The following PTPRN2 variants were observed in gnomAD, a reference collection of about 807,000 sequenced individuals.
PTPRN2 encodes protein tyrosine phosphatase receptor type N2, also known as receptor-type tyrosine-protein phosphatase N2.
A neutral mutation model predicts 118.8 loss-of-function variants in PTPRN2; 74 were observed. The ratio of observed to expected loss-of-function variants is 0.62; its 90% CI spans 0.52 to 0.76. The LOEUF (loss-of-function observed/expected upper bound fraction) is 0.76. Among genes scored for constraint, PTPRN2 ranks in the 30% least tolerant of loss-of-function variants. PTPRN2 has a pLI of 0.00. For synonymous variants in PTPRN2, 641 were observed against 608.0 expected (o/e 1.05, Z -0.80); for missense variants, 1,481 against 1,394.4 (o/e 1.06, Z -0.99).
rs1224085395 is a variant in PTPRN2 at position 158,469,097 on chromosome 7, G to GC, written c.163+20637dup. On this transcript the variant is annotated intron_variant, in intron 2 of 22. Coordinates refer to ENST00000389418, the MANE Select transcript of PTPRN2 (RefSeq NM_002847.5). ...GTGGATCAACACTATGCACACCCAT[G>GC]CACACTCCTGGTGGATCAACAGTGT... 4.4e-5 allele frequency among the ~76,000 whole-genome samples: 6 copies of GC among 136,028 alleles called. No individual in the cohort carries two copies. The South Asian group carries it at 9.4e-4, about 21-fold the overall frequency. The allele number at this position is 136,028 out of a possible 152,430, so 89.2% of individuals were successfully genotyped here.
At chr7:158,508,981 C>T (rs773750380) in intron 1 of PTPRN2, among the ~76,000 whole-genome samples, 7 of 152,034 alleles carry the variant, frequency 4.6e-5, no homozygotes, top group Non-Finnish European at 8.8e-5. Flanking sequence ...GGCCTCAGCA[C>T]GCAGGAAGCT....
intron 19 of PTPRN2, among the ~76,000 whole-genome samples, chr7:157,573,986 T>C (rs1165527720): frequency 6.6e-6 from 1 of 152,168 alleles, no homozygotes; most frequent in Non-Finnish European, 1.5e-5. Flanking sequence ...GTTGTATTAT[T>C]ACACGCAAAG....
At chr7:158,578,881 G>GC (rs1222944240) in intron 1 of PTPRN2, among the ~76,000 whole-genome samples, 1 of 151,934 alleles carries the variant, frequency 6.6e-6, no homozygotes, top group Non-Finnish European at 1.5e-5. Flanking sequence ...TCCTGCCTCA[G>GC]CCCCCCAAGT....
chr7:158,216,796 G>C (rs928916940), intron 3 of PTPRN2, among the ~76,000 whole-genome samples: 1 of 152,162 alleles, frequency 6.6e-6, no homozygotes, highest in Non-Finnish European at 1.5e-5. Context: ...CAAGAGCAGA[G>C]TATATGTTCT....
intron 22 of PTPRN2, among the ~76,000 whole-genome samples, chr7:157,546,732 A>G (rs1223428277): frequency 9.2e-5 from 14 of 152,218 alleles, no homozygotes; most frequent in Admixed American, 8.5e-4. Context: ...CCATTTAAAA[A>G]TGGAGTAGAA....
At chr7:158,422,766 G>A (rs180811540) in intron 2 of PTPRN2, among the ~76,000 whole-genome samples, 239 of 151,426 alleles carry the variant, frequency 1.6e-3, no homozygotes, top group Middle Eastern at 3.4e-3. Flanking sequence ...ATTGGGATGT[G>A]GTCTCCGTCA....
At chr7:157,919,141 C>A (rs1476930332) in intron 11 of PTPRN2, among the ~76,000 whole-genome samples, 1 of 152,168 alleles carries the variant, frequency 6.6e-6, no homozygotes, top group Non-Finnish European at 1.5e-5. Flanking sequence ...ACTGATCAAG[C>A]TCTATGGTCT....
At chr7:158,117,337 T>C (rs1468276577) in intron 9 of PTPRN2, among the ~76,000 whole-genome samples, 2 of 151,926 alleles carry the variant, frequency 1.3e-5, no homozygotes, top group African/African-American at 4.8e-5. Context: ...TCAGTGAACT[T>C]GAAGATAGGA....
intron 12 of PTPRN2, among the ~76,000 whole-genome samples, chr7:157,804,955 A>G (rs1585514799): frequency 6.6e-6 from 1 of 152,186 alleles, no homozygotes; most frequent in East Asian, 1.9e-4. Context: ...CTCGCCATGC[A>G]GTGCCCTCAC....
intron 12 of PTPRN2, among the ~76,000 whole-genome samples, chr7:157,886,401 C>A (rs1015927818): frequency 6.6e-6 from 1 of 152,166 alleles, no homozygotes; most frequent in Non-Finnish European, 1.5e-5. Context: ...GCAGGGACTG[C>A]CGTTGCCACA....
intron 12 of PTPRN2, among the ~76,000 whole-genome samples, chr7:157,693,415 G>T (rs1797615001): frequency 6.6e-6 from 1 of 152,188 alleles, no homozygotes; most frequent in African/African-American, 2.4e-5. Flanking sequence ...GCTGCGCCGC[G>T]CTGGCGACGG....
Position 158,192,368 on chromosome 7 carries a change from G to A in PTPRN2, c.508C>T (p.Leu170Phe). 6.6e-7 allele frequency: 1 copy of A among 1,523,484 alleles called. No individual in the cohort carries two copies. The highest frequency in any genetic ancestry group is 8.7e-7 in the Non-Finnish European group (1 of 1,147,642). The allele number at this position is 1,523,484 out of a possible 1,614,324, so 94.4% of individuals were successfully genotyped here. ...TCCTGCGCCGTATGGGTCCTGGCGA[G>A]CACGTCTGAGGCTGGGGCCTGGGAC... ...ALSQAPASDV[L>F]ARTHTAQDRP... The change falls in exon 5 of 23, where the codon CTC (leucine) becomes TTC (phenylalanine). Residue 170 changes from leucine (L) to phenylalanine (F), a missense_variant. Transcript: ENST00000389418.
chr7:157,936,858 C>T (rs929632343), intron 11 of PTPRN2, among the ~76,000 whole-genome samples: 8 of 152,220 alleles, frequency 5.3e-5, no homozygotes, highest in East Asian at 1.9e-4. Context: ...GCCATCCTTT[C>T]GGTCATTCAT....
At chr7:158,412,499 C>T (rs1319501428) in intron 2 of PTPRN2, among the ~76,000 whole-genome samples, 1 of 99,142 alleles carries the variant, frequency 1.0e-5, no homozygotes, top group African/African-American at 4.3e-5. Flanking sequence ...GCACCCTCCT[C>T]AGCACCAGGG....
chr7:157,894,268 G>A (rs947694986), intron 12 of PTPRN2, among the ~76,000 whole-genome samples: 12 of 152,212 alleles, frequency 7.9e-5, no homozygotes, highest in African/African-American at 1.7e-4. Context: ...AATCAAAACC[G>A]GGCGTGACTG....
rs1338367300 is a variant in PTPRN2, at chr7:158,071,001, ATGGTGGTGGAGGTGCTCG to A, written c.1723+10279_1723+10296del. Reference sequence around the variant, plus strand: ...GGTGCCCGTGGTGGTGGAGGTGCTCATGGTGGTGGAGGTGCTCGTGGTGGAGGTGCTCTTAGTATGGAG... The same window carrying A: ...GGTGCCCGTGGTGGTGGAGGTGCTCATGGTGGAGGTGCTCTTAGTATGGAG... On this transcript the variant is annotated intron_variant, in intron 11 of 22. Coordinates refer to ENST00000389418, the MANE Select transcript of PTPRN2 (RefSeq NM_002847.5). Among the ~76,000 whole-genome samples, 9 of 42,956 alleles carry A rather than the reference ATGGTGGTGGAGGTGCTCG, an allele frequency of 2.1e-4. No individual in the cohort carries two copies. In the East Asian group the frequency reaches 4.1e-3, roughly 20 times the overall value. The allele number at this position is 42,956 out of a possible 152,430, so 28.2% of individuals were successfully genotyped here.
intron 2 of PTPRN2, among the ~76,000 whole-genome samples, chr7:158,347,159 A>C (rs4521711): frequency 0.91 from 138,126 of 152,192 alleles, 62,921 homozygotes; most frequent in Non-Finnish European, 0.95. Flanking sequence ...GGGATCAAAT[A>C]AAAAAAATTG....
chr7:158,435,744 A>T (rs1168467552), intron 2 of PTPRN2, among the ~76,000 whole-genome samples: 1 of 152,202 alleles, frequency 6.6e-6, no homozygotes, highest in African/African-American at 2.4e-5. Flanking sequence ...ACTCAGCCTT[A>T]AAAAAGAAGA....
chr7:158,144,241 T>A (rs1404691102), intron 6 of PTPRN2, among the ~76,000 whole-genome samples: 1 of 152,172 alleles, frequency 6.6e-6, no homozygotes, highest in Admixed American at 6.5e-5. Flanking sequence ...ACAAATAAAC[T>A]TTTCTGAGCC....
Sources: allele counts gnomAD v4.1 joint callset (sites outside exome capture counted in the v4.1 genomes callset), GRCh38; gene constraint gnomAD v4.1.1; transcripts MANE v1.5; gene names NCBI Gene and HGNC (gene_info 2026-07-23, HGNC 2026-07-21).